TRAM2: variants seen among roughly 807,000 people sequenced by gnomAD.
TRAM2 encodes translocating chain-associated membrane protein 2.
A neutral mutation model predicts 51.0 loss-of-function variants in TRAM2; 12 were observed. The observed-to-expected ratio is 0.24, with a 90% CI of 0.15 to 0.38. The LOEUF is 0.38. Ranked by LOEUF, TRAM2 falls within the 10% of genes least tolerant of loss-of-function variation. TRAM2 has a pLI of 1.00. For missense variants in TRAM2, 361 were observed against 462.0 expected, an observed-to-expected ratio of 0.78 and a Z score of 2.00; for synonymous variants, 175 against 179.4, an observed-to-expected ratio of 0.98 and a Z score of 0.20.
Position 52,501,535 on chromosome 6 carries a change from G to C in TRAM2, c.*1662C>G, listed in dbSNP as rs1227753032. On this transcript the variant is annotated 3_prime_UTR_variant, in exon 11 of 11. Coordinates refer to ENST00000182527, the MANE Select transcript of TRAM2 (RefSeq NM_012288.4). ...CCCCTTTGCCTCAAAACAGAGTTCG[G>C]AGGTTCTTAATTGGGACTTTTGTTT... 1 of 152,160 alleles carries C rather than the reference G, an allele frequency of 6.6e-6. No homozygotes were observed. The highest frequency in any genetic ancestry group is 1.5e-5 in the Non-Finnish European group (1 of 68,042). The allele number at this position is 152,160 out of a possible 1,614,324, so 9.4% of individuals were successfully genotyped here. A position where few individuals can be genotyped will look rare whatever the true frequency, so the allele number is the denominator to read the frequency against.
chr6:52,571,686 G>C (rs1376412668), intron 1 of TRAM2, among the ~76,000 whole-genome samples: 1 of 152,210 alleles, frequency 6.6e-6, no homozygotes, highest in East Asian at 1.9e-4. Flanking sequence ...GAAGTTCTGG[G>C]GTAGAGAGAT....
Position 52,553,178 on chromosome 6 carries a change from C to T in TRAM2, c.121-17332G>A, listed in dbSNP as rs541469502. 2.0e-5 allele frequency among the ~76,000 whole-genome samples: 3 copies of T among 152,294 alleles called. No individual in the cohort carries two copies. The East Asian group carries it at 5.8e-4, about 29-fold the overall frequency. On this transcript the variant is annotated intron_variant, in intron 1 of 10. Coordinates refer to ENST00000182527, the MANE Select transcript of TRAM2 (RefSeq NM_012288.4). ...ACTCTTTAATCTGGCATTCCTAATC[C>T]TCCCTGCCTCTCCACATTTGATTAT...
intron 4 of TRAM2, 132 bp downstream of exon 4, chr6:52,515,874 G>A: frequency 1.3e-6 from 1 of 753,524 alleles, no homozygotes; most frequent in Non-Finnish European, 2.2e-6. Flanking sequence ...AAGGTTCTAA[G>A]AAACTTGTTC....
chr6:52,568,896 T>C (rs1423868608), intron 1 of TRAM2, among the ~76,000 whole-genome samples: 2 of 152,250 alleles, frequency 1.3e-5, no homozygotes, highest in Non-Finnish European at 2.9e-5. Flanking sequence ...TCTTTCCATT[T>C]CAAAGGCAGG....
chr6:52,572,160 C>T lies in TRAM2; in HGVS notation c.120+4636G>A, dbSNP rs149538207. Among the ~76,000 whole-genome samples, 217 of 152,306 alleles carry T rather than the reference C, an allele frequency of 1.4e-3. 1 individual carries two copies. Among genetic ancestry groups the T allele is most frequent in the African/African-American group, 5.0e-3 (208 of 41,574 alleles). On this transcript the variant is annotated intron_variant, in intron 1 of 10. Coordinates refer to ENST00000182527, the MANE Select transcript of TRAM2 (RefSeq NM_012288.4). Reference sequence around the variant, plus strand: ...CAGAAATCCAACCACAGAACAAGAGCGCTCAAGAGAGTACGTGACCCTCCT... The same window carrying T: ...CAGAAATCCAACCACAGAACAAGAGTGCTCAAGAGAGTACGTGACCCTCCT...
intron 1 of TRAM2, among the ~76,000 whole-genome samples, chr6:52,550,873 A>G (rs1287169021): frequency 6.6e-6 from 1 of 152,162 alleles, no homozygotes; most frequent in Non-Finnish European, 1.5e-5. Context: ...CCAACCGAAT[A>G]GGACACTTTA....
intron 2 of TRAM2, among the ~76,000 whole-genome samples, chr6:52,519,224 A>G (rs1397854748): frequency 6.6e-6 from 1 of 152,222 alleles, no homozygotes; most frequent in African/African-American, 2.4e-5. Context: ...TAGCGGGTAC[A>G]CACCACATCC....
In TRAM2 at chr6:52,499,100, G is replaced by A. The variant is rs1022908614; in HGVS notation, c.*4097C>T. 6.6e-6 allele frequency: 1 copy of A among 152,142 alleles called. No individual in the cohort carries two copies. The highest frequency in any genetic ancestry group is 2.4e-5 in the African/African-American group (1 of 41,394). 9.4% of individuals were successfully genotyped at this position (152,142 alleles called of 1,614,324 possible). ...GAGCTAACACTCATGTGAGTAGTGG[G>A]GTAGAGTGAGAAGTTGGTAAAGTCT... is the stretch of plus-strand genomic sequence containing the variant. On this transcript the variant is annotated 3_prime_UTR_variant, in exon 11 of 11. Coordinates refer to ENST00000182527, the MANE Select transcript of TRAM2 (RefSeq NM_012288.4).
chr6:52,509,725 G>A, intron 4 of TRAM2, 139 bp from the exon 5 acceptor site: 1 of 736,136 alleles, frequency 1.4e-6, no homozygotes, highest in East Asian at 2.7e-5. Context: ...TGAAAACAGA[G>A]AACTTCTCTG....
At chr6:52,552,750 C>G (rs1767331482) in intron 1 of TRAM2, among the ~76,000 whole-genome samples, 1 of 152,162 alleles carries the variant, frequency 6.6e-6, no homozygotes, top group Non-Finnish European at 1.5e-5. Context: ...AAATCTTTCT[C>G]CCCAGGATGG....
chr6:52,576,764 T>C (rs985703045), intron 1 of TRAM2, 32 bp downstream of exon 1: 2 of 1,606,804 alleles, frequency 1.2e-6, no homozygotes, highest in Non-Finnish European at 8.5e-7. Flanking sequence ...GGGGGCACTG[T>C]CCCTCCAGCT....
chr6:52,514,350 G>T (rs989212397), intron 4 of TRAM2, among the ~76,000 whole-genome samples: 1 of 152,124 alleles, frequency 6.6e-6, no homozygotes, highest in Non-Finnish European at 1.5e-5. Flanking sequence ...CAGTTCCAAC[G>T]GAGGAGGGCA....
intron 4 of TRAM2, among the ~76,000 whole-genome samples, chr6:52,512,221 T>C (rs1352436935): frequency 6.6e-6 from 1 of 152,122 alleles, no homozygotes; most frequent in Non-Finnish European, 1.5e-5. Context: ...CTGAGAGCAA[T>C]GTAAAGCCCA....
At chr6:52,560,230 A>G (rs527942856) in intron 1 of TRAM2, among the ~76,000 whole-genome samples, 1 of 151,730 alleles carries the variant, frequency 6.6e-6, no homozygotes, top group African/African-American at 2.4e-5. Flanking sequence ...CTGAGTGACA[A>G]GAGCGAAACT....
chr6:52,536,728 G>A (rs1034554978), intron 1 of TRAM2, among the ~76,000 whole-genome samples: 9 of 152,162 alleles, frequency 5.9e-5, no homozygotes, highest in South Asian at 4.1e-4. Context: ...AGCTGCTAGC[G>A]TTGTTCAAAG....
At chr6:52,550,604 T>C (rs567353939) in intron 1 of TRAM2, among the ~76,000 whole-genome samples, 1 of 152,264 alleles carries the variant, frequency 6.6e-6, no homozygotes, top group Non-Finnish European at 1.5e-5. Flanking sequence ...CAGACTGGAG[T>C]GCAGTGGCAA....
At chr6:52,566,148 C>T (rs982381268) in intron 1 of TRAM2, among the ~76,000 whole-genome samples, 5 of 152,248 alleles carry the variant, frequency 3.3e-5, no homozygotes, top group Admixed American at 6.5e-5. Flanking sequence ...GAAGGTGAAA[C>T]GGAATGATAT....
chr6:52,518,465 C>T (rs1050308007), intron 2 of TRAM2, among the ~76,000 whole-genome samples: 2 of 152,160 alleles, frequency 1.3e-5, no homozygotes, highest in African/African-American at 4.8e-5. Flanking sequence ...AAAATGATGA[C>T]ATTTGCGTTT....
intron 1 of TRAM2, among the ~76,000 whole-genome samples, chr6:52,563,580 G>A (rs1267380724): frequency 3.3e-5 from 5 of 151,502 alleles, no homozygotes; most frequent in Admixed American, 1.3e-4. Context: ...TTAGCCAGGC[G>A]TGGTGGTTGG....
Sources: allele counts gnomAD v4.1 joint callset (sites outside exome capture counted in the v4.1 genomes callset), GRCh38; gene constraint gnomAD v4.1.1; transcripts MANE v1.5; gene names NCBI Gene and HGNC (gene_info 2026-07-23, HGNC 2026-07-21).